Variants in HDAC4 observed in about 807,000 individuals in gnomAD.
The protein encoded by HDAC4 is histone deacetylase A.
In HDAC4, 16 loss-of-function variants were observed where a neutral mutation model predicts 135.1. That is an observed-to-expected ratio of 0.12 (90% CI 0.08 to 0.18). The LOEUF (loss-of-function observed/expected upper bound fraction) is 0.18. Among genes scored for constraint, HDAC4 ranks in the 10% least tolerant of loss-of-function variants. HDAC4 has a pLI of 1.00. For missense variants in HDAC4, 1,143 were observed against 1,511.8 expected, an observed-to-expected ratio of 0.76 and a Z score of 4.05; for synonymous variants, 685 against 653.4, an observed-to-expected ratio of 1.05 and a Z score of -0.74.
At chr2:239,197,442 C>T (rs1036236737) in intron 3 of HDAC4, among the ~76,000 whole-genome samples, 17 of 152,312 alleles carry the variant, frequency 1.1e-4, no homozygotes, top group Admixed American at 9.8e-4. Context: ...CACTGCTGGG[C>T]GCCTGGCTGG....
intron 2 of HDAC4, among the ~76,000 whole-genome samples, chr2:239,296,986 G>A (rs1213741325): frequency 6.8e-6 from 1 of 146,534 alleles, no homozygotes; most frequent in African/African-American, 2.5e-5. Flanking sequence ...TCGTGGGGCT[G>A]CAGGGAACAA....
intron 2 of HDAC4, among the ~76,000 whole-genome samples, chr2:239,250,437 TCCAGGGCC>T (rs1393727804): frequency 6.6e-6 from 1 of 152,178 alleles, no homozygotes; most frequent in Non-Finnish European, 1.5e-5. Flanking sequence ...ATTCAGATAG[TCCAGGGCC>T]CCGCACGGCC....
At chr2:239,293,123 T>TG (rs2051629945) in intron 2 of HDAC4, among the ~76,000 whole-genome samples, 1 of 152,216 alleles carries the variant, frequency 6.6e-6, no homozygotes, top group Admixed American at 6.5e-5. Flanking sequence ...CCCAGGTACC[T>TG]GCTCCAGCTG....
chr2:239,096,989 AG>A (rs1368411130), intron 16 of HDAC4, among the ~76,000 whole-genome samples: 5 of 152,246 alleles, frequency 3.3e-5, no homozygotes. Context: ...CACTTTCAGA[AG>A]GGGCTCAGGG....
chr2:239,307,043 C>T lies in HDAC4; in HGVS notation c.22+45635G>A, dbSNP rs149498206. ...TGCCATCCTTCCCACTCTCGCCCTC[C>T]GGCCTTCATTCAGCACTCTGGTGAG... On this transcript the variant is annotated intron_variant, in intron 2 of 26. Coordinates refer to ENST00000543185, the MANE Select transcript of HDAC4 (RefSeq NM_001378414.1). The surrounding 1 kb of genome is among the most constrained non-coding windows in gnomAD (Gnocchi z 4.8). 6.0e-3 allele frequency among the ~76,000 whole-genome samples: 918 copies of T among 152,252 alleles called. 12 individuals are homozygous for T. Among genetic ancestry groups the T allele is most frequent in the African/African-American group, 0.021 (870 of 41,554 alleles).
chr2:239,094,064 T>C lies in HDAC4; in HGVS notation c.2280+946A>G. 3.0e-6 allele frequency: 3 copies of C among 985,484 alleles called. No individual in the cohort carries two copies. In the South Asian group the frequency reaches 1.4e-4, roughly 46 times the overall value. The allele number at this position is 985,484 out of a possible 1,614,324, so 61.0% of individuals were successfully genotyped here. A position where few individuals can be genotyped will look rare whatever the true frequency, so the allele number is the denominator to read the frequency against. On this transcript the variant is annotated intron_variant, in intron 17 of 26. Transcript: ENST00000543185. The stretch of plus-strand genomic sequence containing the variant: ...AGAATCCAGACCTTGAGCTTCACCC[T>C]GCGATCAGTGATTACACACACACTG...
intron 7 of HDAC4, 51 bp downstream of exon 7, chr2:239,156,601 A>T: frequency 6.2e-7 from 1 of 1,613,152 alleles, no homozygotes; most frequent in Non-Finnish European, 8.5e-7. Context: ...TGTGGCGTGG[A>T]AGGTGCCCGT....
intron 1 of HDAC4, among the ~76,000 whole-genome samples, chr2:239,379,009 A>G (rs1219954764): frequency 6.6e-6 from 1 of 152,164 alleles, no homozygotes; most frequent in Admixed American, 6.5e-5. Context: ...CAGAATCTTC[A>G]GTGTCAGCCG....
At chr2:239,108,518 G>A (rs986897819) in intron 14 of HDAC4, among the ~76,000 whole-genome samples, 1 of 152,180 alleles carries the variant, frequency 6.6e-6, no homozygotes, top group Non-Finnish European at 1.5e-5. Context: ...CTGGGTGGCT[G>A]GACCTTGCAG....
intron 3 of HDAC4, among the ~76,000 whole-genome samples, chr2:239,236,019 G>A (rs886863958): frequency 3.9e-5 from 6 of 152,206 alleles, no homozygotes; most frequent in Admixed American, 1.3e-4. Context: ...CAGCCTGGGC[G>A]ACAGAGTGAG....
At chr2:239,243,176 A>T (rs2048286565) in intron 2 of HDAC4, among the ~76,000 whole-genome samples, 1 of 148,556 alleles carries the variant, frequency 6.7e-6, no homozygotes, top group African/African-American at 2.5e-5. Flanking sequence ...TTTTTGAGAC[A>T]TTGTCTCGCT....
chr2:239,136,537 C>T (rs2040968614), intron 9 of HDAC4, among the ~76,000 whole-genome samples: 1 of 152,192 alleles, frequency 6.6e-6, no homozygotes, highest in South Asian at 2.1e-4. Context: ...AAACAGGCAA[C>T]TGGGACTCTG....
chr2:239,113,941 A>G (rs2038905863), intron 13 of HDAC4, among the ~76,000 whole-genome samples: 1 of 152,150 alleles, frequency 6.6e-6, no homozygotes, highest in Non-Finnish European at 1.5e-5. Flanking sequence ...TCTGAACAAG[A>G]AGGAGAAATA....
intron 2 of HDAC4, among the ~76,000 whole-genome samples, chr2:239,263,795 A>G (rs1644651645): frequency 6.6e-6 from 1 of 152,184 alleles, no homozygotes; most frequent in African/African-American, 2.4e-5. Flanking sequence ...ATGCAGAGCA[A>G]GCCGCCTGCC....
At chr2:239,109,779 T>C (rs2038502633) in intron 14 of HDAC4, among the ~76,000 whole-genome samples, 1 of 152,202 alleles carries the variant, frequency 6.6e-6, no homozygotes, top group African/African-American at 2.4e-5. Flanking sequence ...TAAGTGTGTG[T>C]GCAGAAACAA....
At chr2:239,207,002 G>C (rs189746571) in intron 3 of HDAC4, among the ~76,000 whole-genome samples, 1 of 152,326 alleles carries the variant, frequency 6.6e-6, no homozygotes, top group East Asian at 1.9e-4. Context: ...CTGGGGATGG[G>C]AGGGAGGCCT....
chr2:239,151,758 G>A (rs1041603309), intron 7 of HDAC4, among the ~76,000 whole-genome samples: 2 of 152,250 alleles, frequency 1.3e-5, no homozygotes, highest in African/African-American at 4.8e-5. Flanking sequence ...CCAAACGTGA[G>A]CTCTGGGATT....
chr2:239,229,000 G>C (rs995954672), intron 3 of HDAC4, among the ~76,000 whole-genome samples: 10 of 152,170 alleles, frequency 6.6e-5, no homozygotes, highest in African/African-American at 2.2e-4. Context: ...AAACTAGCCG[G>C]GCGTGGTGGC....
chr2:239,340,484 G>C (rs1191298006), intron 2 of HDAC4, among the ~76,000 whole-genome samples: 1 of 152,152 alleles, frequency 6.6e-6, no homozygotes, highest in Non-Finnish European at 1.5e-5. Flanking sequence ...GACAGAGGAG[G>C]ACCATGGTGG....
Sources: allele counts gnomAD v4.1 joint callset (sites outside exome capture counted in the v4.1 genomes callset), GRCh38; gene constraint gnomAD v4.1.1; non-coding constraint Gnocchi (gnomAD v3.1); transcripts MANE v1.5; gene names NCBI Gene and HGNC (gene_info 2026-07-23, HGNC 2026-07-21).